Variants in CFAP52 observed in about 807,000 individuals in gnomAD.
The protein encoded by CFAP52 is cilia and flagella associated protein 52.
Under a neutral mutation model 70.5 loss-of-function variants are expected in CFAP52, and 57 were observed. The ratio of observed to expected loss-of-function variants is 0.81; its 90% CI spans 0.65 to 1.01. The LOEUF (loss-of-function observed/expected upper bound fraction) is 1.01, where lower values mean the gene tolerates loss of function less well. Among genes scored for constraint, CFAP52 ranks in the 50% least tolerant of loss-of-function variants. The pLI, the probability that CFAP52 is intolerant of heterozygous loss-of-function variation, is 0.00. For missense variants in CFAP52, 785 were observed against 788.5 expected, an observed-to-expected ratio of 1.00 and a Z score of 0.05; for synonymous variants, 267 against 292.5, an observed-to-expected ratio of 0.91 and a Z score of 0.89.
chr17:9,600,710 G>A (rs779596470), intron 6 of CFAP52, among the ~76,000 whole-genome samples: 20 of 152,158 alleles, frequency 1.3e-4, no homozygotes, highest in East Asian at 3.9e-4. Context: ...GACTACAGGC[G>A]CCCGCCACCA....
rs147381890 is a variant in CFAP52, at chr17:9,603,633, G to A, written c.753+3450G>A. ...CATCCCAGCAAGTTATTTTGTGTCT[G>A]TAGACAAACTGATTCTACAGTTTAC... On this transcript the variant is annotated intron_variant, in intron 6 of 13. Transcript: ENST00000352665. Among the ~76,000 whole-genome samples the A allele has an allele frequency of 3.3e-3, 499 of 152,292 alleles. 1 individual carries two copies. Among genetic ancestry groups the A allele is most frequent in the Non-Finnish European group, 4.3e-3 (290 of 68,034 alleles).
intron 4 of CFAP52, among the ~76,000 whole-genome samples, chr17:9,596,450 G>A (rs1376071390): frequency 6.6e-6 from 1 of 151,870 alleles, no homozygotes; most frequent in Non-Finnish European, 1.5e-5. Flanking sequence ...TAAAATATTA[G>A]CTGAAGTCTT....
chr17:9,597,863 A>G (rs972189982), intron 4 of CFAP52, among the ~76,000 whole-genome samples: 6 of 137,796 alleles, frequency 4.4e-5, no homozygotes, highest in East Asian at 2.0e-4. Context: ...GAGAGAGAGA[A>G]AGAAAGAAAG....
intron 4 of CFAP52, among the ~76,000 whole-genome samples, chr17:9,596,091 A>G (rs1238350844): frequency 2.9e-5 from 4 of 139,784 alleles, no homozygotes; most frequent in East Asian, 4.1e-4. Context: ...ATATATATAT[A>G]TATATATATA....
chr17:9,634,181 C>T (rs1263848886), intron 10 of CFAP52, among the ~76,000 whole-genome samples: 1 of 152,160 alleles, frequency 6.6e-6, no homozygotes. Flanking sequence ...CAAAGCCTTC[C>T]CTTTCTCTTT....
chr17:9,613,571 G>A (rs913984885), intron 8 of CFAP52, among the ~76,000 whole-genome samples: 3 of 152,034 alleles, frequency 2.0e-5, no homozygotes, highest in African/African-American at 7.2e-5. Context: ...AGGCTGGAGT[G>A]CAGTGGTGGG....
intron 7 of CFAP52, among the ~76,000 whole-genome samples, chr17:9,611,489 G>A (rs1909710460): frequency 6.6e-6 from 1 of 151,732 alleles, no homozygotes; most frequent in Non-Finnish European, 1.5e-5. Context: ...CAAGTAGCTG[G>A]GACTATAGGT....
chr17:9,628,668 G>A lies in CFAP52; in HGVS notation c.1026-4G>A. On this transcript the variant is annotated splice_polypyrimidine_tract_variant and splice_region_variant and intron_variant, in intron 8 of 13. Transcript: ENST00000352665. ...GGTTGCATCTCTTGATGGCTTCCTT[G>A]CAGTGGCACTGCTGAGCTATTTGCA... 1 of 1,611,524 alleles carries A rather than the reference G, an allele frequency of 6.2e-7. No homozygotes were observed. Among genetic ancestry groups the A allele is most frequent in the Non-Finnish European group, 8.5e-7 (1 of 1,177,826 alleles).
chr17:9,576,789 C>A (rs1393029394), intron 1 of CFAP52, 24 bp downstream of exon 1: 2 of 1,605,006 alleles, frequency 1.2e-6, no homozygotes, highest in Non-Finnish European at 1.7e-6. Flanking sequence ...CATCTTTGGG[C>A]TGGCTGGTTT....
At chr17:9,640,444 G>A in intron 12 of CFAP52, among the ~76,000 whole-genome samples, 1 of 145,360 alleles carries the variant, frequency 6.9e-6, no homozygotes, top group East Asian at 2.0e-4. Context: ...TTCCCCACGT[G>A]TCCATCTCTT....
chr17:9,597,831 AAGAGAGAAAGAG>A lies in CFAP52; in HGVS notation c.537-379_537-368del, dbSNP rs1332877155. Among the ~76,000 whole-genome samples the A allele has an allele frequency of 3.2e-3, 421 of 131,728 alleles. 2 individuals are homozygous for A. The highest frequency in any genetic ancestry group is 0.011 in the African/African-American group (359 of 32,570). 86.4% of individuals were successfully genotyped at this position (131,728 alleles called of 152,430 possible). A position where few individuals can be genotyped will look rare whatever the true frequency, so the allele number is the denominator to read the frequency against. ...AGAGAGAGAGAGAGAGAGAGAGAGA[AAGAGAGAAAGAG>A]AGAGAGAAAGAGAGAGAGAAAGAAA... On this transcript the variant is annotated intron_variant, in intron 4 of 13. Coordinates refer to ENST00000352665, the MANE Select transcript of CFAP52 (RefSeq NM_145054.5).
chr17:9,616,622 G>A (rs1909938296), intron 8 of CFAP52, among the ~76,000 whole-genome samples: 1 of 150,402 alleles, frequency 6.6e-6, no homozygotes, highest in South Asian at 2.1e-4. Context: ...GAAGAGAGCA[G>A]TGGTTCTCCC....
chr17:9,590,846 C>T (rs932578791), intron 3 of CFAP52, among the ~76,000 whole-genome samples: 2 of 151,830 alleles, frequency 1.3e-5, no homozygotes, highest in African/African-American at 4.8e-5. Context: ...TGCAATATGC[C>T]CATCCCTGGA....
intron 3 of CFAP52, among the ~76,000 whole-genome samples, chr17:9,593,821 C>T (rs1908872932): frequency 6.6e-6 from 1 of 151,538 alleles, no homozygotes; most frequent in East Asian, 2.0e-4. Flanking sequence ...AAGAATTACC[C>T]GGACATGGTG....
At chr17:9,612,269 G>A in intron 7 of CFAP52, 40 bp from the exon 8 acceptor site, 1 of 1,605,150 alleles carries the variant, frequency 6.2e-7, no homozygotes, top group Non-Finnish European at 8.5e-7. Context: ...CTACTTACTG[G>A]TTGAGTGAAT....
chr17:9,641,745 G>T lies in CFAP52; in HGVS notation c.1597G>T (p.Asp533Tyr). The stretch of plus-strand genomic sequence containing the variant: ...CCAGATTGCTTACTGGGAAGTATTT[G>T]ATGGGACAGTAATCAGAGAATTGGA... ...DRKIAYWEVF[D>Y]GTVIRELEGS... Residue 533 changes from aspartate to tyrosine, a missense_variant, in exon 13 of 14, where the codon GAT becomes TAT. Coordinates refer to ENST00000352665, the MANE Select transcript of CFAP52 (RefSeq NM_145054.5). 6.2e-7 allele frequency: 1 copy of T among 1,613,744 alleles called. No homozygotes were observed. Among genetic ancestry groups the T allele is most frequent in the East Asian group, 2.2e-5 (1 of 44,872 alleles).
intron 4 of CFAP52, among the ~76,000 whole-genome samples, chr17:9,596,629 G>C (rs1392097454): frequency 4.6e-5 from 7 of 151,788 alleles, no homozygotes; most frequent in African/African-American, 1.7e-4. Flanking sequence ...CCACACCACA[G>C]GTCTTCCCTT....
At chr17:9,637,039 C>T (rs1202476902) in intron 11 of CFAP52, among the ~76,000 whole-genome samples, 4 of 151,792 alleles carry the variant, frequency 2.6e-5, no homozygotes, top group South Asian at 2.1e-4. Context: ...AGTGAGACTT[C>T]GTATCAAAAA....
At position 9,594,323 on chromosome 17, in the gene CFAP52, T is replaced by C; in HGVS notation, c.536+2T>C. On this transcript the variant is annotated splice_donor_variant, in intron 4 of 13. Transcript: ENST00000352665. LOFTEE classifies it high-confidence loss of function. ...TGAGATGTTTATGACTGCTGGAAAG[T>C]ATGTGTCTGCGTTCGGAGTTTTCAG... is the stretch of plus-strand genomic sequence containing the variant. The C allele has an allele frequency of 1.2e-6, 2 of 1,610,466 alleles. No individual in the cohort carries two copies. Among genetic ancestry groups the C allele is most frequent in the East Asian group, 2.2e-5 (1 of 44,842 alleles).
Sources: allele counts gnomAD v4.1 joint callset (sites outside exome capture counted in the v4.1 genomes callset), GRCh38; gene constraint gnomAD v4.1.1; transcripts MANE v1.5; gene names NCBI Gene and HGNC (gene_info 2026-07-23, HGNC 2026-07-21).